The following EPHA6 variants were observed in gnomAD, a reference collection of about 807,000 sequenced individuals.
EPHA6 encodes the protein EPH receptor A6.
A neutral mutation model predicts 112.0 loss-of-function variants in EPHA6; 50 were observed. The ratio of observed to expected loss-of-function variants is 0.45; its 90% CI spans 0.36 to 0.56. EPHA6 has a LOEUF of 0.56. Among genes scored for constraint, EPHA6 ranks in the 20% least tolerant of loss-of-function variants. The pLI, the probability that EPHA6 is intolerant of heterozygous loss-of-function variation, is 0.00. For synonymous variants in EPHA6, 529 were observed against 490.7 expected (o/e 1.08, Z -1.03); for missense variants, 1,280 against 1,417.4 (o/e 0.90, Z 1.56).
Position 97,453,834 on chromosome 3 carries a change from G to C in EPHA6, c.1894+5104G>C, listed in dbSNP as rs563770706. On this transcript the variant is annotated intron_variant, in intron 7 of 17. Coordinates refer to ENST00000389672, the MANE Select transcript of EPHA6 (RefSeq NM_001080448.3). ...AAAATAAGATGCAAGATTATGTTTCGGTTTCTTCCTCCCAATACATTTTTA... is the reference window on the plus strand; with the variant it reads ...AAAATAAGATGCAAGATTATGTTTCCGTTTCTTCCTCCCAATACATTTTTA... 2.8e-4 allele frequency among the ~76,000 whole-genome samples: 42 copies of C among 151,494 alleles called. No homozygotes were observed. In the South Asian group the frequency reaches 8.1e-3, roughly 29 times the overall value.
chr3:97,694,240 CTT>C (rs565717126), intron 14 of EPHA6, among the ~76,000 whole-genome samples: 3 of 144,520 alleles, frequency 2.1e-5, no homozygotes, highest in Non-Finnish European at 3.1e-5. Flanking sequence ...ATTTCTTTTT[CTT>C]TTTTTTTTTT....
At position 97,754,849 on chromosome 3, in the gene EPHA6, G is replaced by A. The variant is rs1202136072; in HGVS notation, c.*6148G>A. On this transcript the variant is annotated 3_prime_UTR_variant, in exon 18 of 18. Transcript: ENST00000389672. Reference sequence around the variant, plus strand: ...CTCCAGAGTAGCTGGAACTACAGGCGTCCGTCACCACGCCCGGCTAATTTT... The same window carrying A: ...CTCCAGAGTAGCTGGAACTACAGGCATCCGTCACCACGCCCGGCTAATTTT... 1.3e-5 allele frequency among the ~76,000 whole-genome samples: 2 copies of A among 152,136 alleles called. No homozygotes were observed. The highest frequency in any genetic ancestry group is 1.9e-4 in the East Asian group (1 of 5,168).
At chr3:97,631,531 T>C (rs552437046) in intron 13 of EPHA6, among the ~76,000 whole-genome samples, 13 of 152,182 alleles carry the variant, frequency 8.5e-5, no homozygotes, top group Non-Finnish European at 1.8e-4. Context: ...TTATAATTCA[T>C]AGTTAGTGAA....
chr3:97,222,907 T>G (rs1394313190), intron 3 of EPHA6, among the ~76,000 whole-genome samples: 1 of 152,282 alleles, frequency 6.6e-6, no homozygotes, highest in African/African-American at 2.4e-5. Flanking sequence ...AGAAACTAAA[T>G]TTGGCCTAAG....
At chr3:97,501,704 A>G (rs1245144863) in intron 10 of EPHA6, among the ~76,000 whole-genome samples, 2 of 152,086 alleles carry the variant, frequency 1.3e-5, no homozygotes, top group Admixed American at 6.6e-5. Context: ...AAGTAAATGT[A>G]TCTAGCCTTA....
chr3:96,996,882 G>A (rs944011362), intron 3 of EPHA6, among the ~76,000 whole-genome samples: 3 of 152,056 alleles, frequency 2.0e-5, no homozygotes, highest in Non-Finnish European at 4.4e-5. Context: ...AAGCTTTGAT[G>A]CCAGGCAATG....
rs541100814 is a variant in EPHA6 at position 96,991,893 on chromosome 3, C to A, written c.1114+3900C>A. ...CTCCCATTCCGAAAGGCAGGGAACACAACAGTCACTGGTCCATTGTGATTG... is the reference window on the plus strand; with the variant it reads ...CTCCCATTCCGAAAGGCAGGGAACAAAACAGTCACTGGTCCATTGTGATTG... On this transcript the variant is annotated intron_variant, in intron 3 of 17. Transcript: ENST00000389672. 5.9e-5 allele frequency among the ~76,000 whole-genome samples: 9 copies of A among 152,280 alleles called. No individual in the cohort carries two copies. The South Asian group carries it at 1.7e-3, about 28-fold the overall frequency.
At chr3:97,566,056 C>T (rs1459786090) in intron 11 of EPHA6, among the ~76,000 whole-genome samples, 3 of 151,346 alleles carry the variant, frequency 2.0e-5, no homozygotes, top group Admixed American at 1.3e-4. Flanking sequence ...TTAATTGGCT[C>T]ACAGTTCTGC....
intron 3 of EPHA6, among the ~76,000 whole-genome samples, chr3:97,082,769 C>T (rs900469648): frequency 6.6e-6 from 1 of 151,844 alleles, no homozygotes; most frequent in Non-Finnish European, 1.5e-5. Context: ...GCCTGGGGCA[C>T]AATCAGTACT....
chr3:97,180,919 A>G (rs904847849), intron 3 of EPHA6, among the ~76,000 whole-genome samples: 1 of 150,530 alleles, frequency 6.6e-6, no homozygotes, highest in Non-Finnish European at 1.5e-5. Flanking sequence ...CTGTCTCTGG[A>G]CCTATTTCAG....
intron 5 of EPHA6, among the ~76,000 whole-genome samples, chr3:97,301,596 G>A (rs1576886290): frequency 2.0e-5 from 3 of 152,074 alleles, no homozygotes; most frequent in Admixed American, 2.0e-4. Context: ...TTCAAACCCA[G>A]GCCATCAGGC....
intron 2 of EPHA6, among the ~76,000 whole-genome samples, chr3:96,979,179 G>C (rs1181555797): frequency 6.6e-6 from 1 of 151,660 alleles, no homozygotes; most frequent in Non-Finnish European, 1.5e-5. Flanking sequence ...ATTTACATTG[G>C]GTATATCTCC....
intron 13 of EPHA6, among the ~76,000 whole-genome samples, chr3:97,627,012 G>T (rs1429681452): frequency 6.6e-6 from 1 of 151,768 alleles, no homozygotes; most frequent in Non-Finnish European, 1.5e-5. Flanking sequence ...CTTTCTATGG[G>T]TCAGTCATTA....
chr3:97,559,912 A>G (rs1021535525), intron 11 of EPHA6, among the ~76,000 whole-genome samples: 4 of 151,970 alleles, frequency 2.6e-5, no homozygotes, highest in African/African-American at 9.7e-5. Flanking sequence ...AAACAAAACT[A>G]ATCACCATAA....
rs114194994 is a variant in EPHA6 at position 97,335,978 on chromosome 3, T to C, written c.1607-69172T>C. Among the ~76,000 whole-genome samples the C allele has an allele frequency of 3.6e-3, 551 of 152,244 alleles. 1 individual carries two copies. Among genetic ancestry groups the C allele is most frequent in the African/African-American group, 0.012 (513 of 41,552 alleles). ...GACCAAATGAGCCAGTTTATCAATC[T>C]GGGTGGTGCCAACTGATCTATTGAG... On this transcript the variant is annotated intron_variant, in intron 5 of 17. Transcript: ENST00000389672.
At chr3:97,639,809 A>G (rs1307590449) in intron 14 of EPHA6, among the ~76,000 whole-genome samples, 1 of 152,170 alleles carries the variant, frequency 6.6e-6, no homozygotes, top group African/African-American at 2.4e-5. Context: ...TTTAGATTGG[A>G]CCCCAGACTT....
intron 5 of EPHA6, among the ~76,000 whole-genome samples, chr3:97,330,780 C>G (rs1441152570): frequency 6.6e-6 from 1 of 152,092 alleles, no homozygotes; most frequent in Admixed American, 6.6e-5. Context: ...GACTTAGACT[C>G]CCAAAGAATA....
intron 12 of EPHA6, among the ~76,000 whole-genome samples, chr3:97,600,068 G>A (rs1457110435): frequency 6.7e-6 from 1 of 149,670 alleles, no homozygotes; most frequent in Non-Finnish European, 1.5e-5. Flanking sequence ...CTCTCTGTTT[G>A]TCTGTTGTTG....
chr3:97,134,349 G>A (rs1318206713), intron 3 of EPHA6, among the ~76,000 whole-genome samples: 1 of 151,990 alleles, frequency 6.6e-6, no homozygotes, highest in Non-Finnish European at 1.5e-5. Flanking sequence ...ATCATACAGG[G>A]AGCCTTTAAA....
Sources: allele counts gnomAD v4.1 joint callset (sites outside exome capture counted in the v4.1 genomes callset), GRCh38; gene constraint gnomAD v4.1.1; transcripts MANE v1.5; gene names NCBI Gene and HGNC (gene_info 2026-07-23, HGNC 2026-07-21).